CDH4: variants seen among roughly 807,000 people sequenced by gnomAD.
CDH4 encodes cadherin-4.
In CDH4, 33 loss-of-function variants were observed where a neutral mutation model predicts 86.0. That is an observed-to-expected ratio of 0.38 (90% CI 0.29 to 0.51). The LOEUF (loss-of-function observed/expected upper bound fraction) is 0.51, where lower values mean the gene tolerates loss of function less well. CDH4 is among the 20% of genes least tolerant of loss of function. The probability of loss-of-function intolerance (pLI) is 0.86; values close to 1 mark genes in which losing one functional copy is unlikely to be tolerated. For synonymous variants in CDH4, 555 were observed against 549.4 expected, an observed-to-expected ratio of 1.01 and a Z score of -0.14; for missense variants, 1,114 against 1,307.4, an observed-to-expected ratio of 0.85 and a Z score of 2.28.
Position 61,933,979 on chromosome 20 carries a change from C to T in CDH4, c.2380-77C>T, listed in dbSNP as rs535394678. 109 of 1,538,200 alleles carry T rather than the reference C, an allele frequency of 7.1e-5. No homozygotes were observed. In the East Asian group the frequency reaches 2.4e-3, roughly 34 times the overall value. On this transcript the variant is annotated intron_variant, in intron 14 of 15. Transcript: ENST00000614565. ...GCAGGTGCATCTGTGGCCCAGGTGACAGAAAAGGATGCAGGGTGGAAGGGG... is the reference window on the plus strand; with the variant it reads ...GCAGGTGCATCTGTGGCCCAGGTGATAGAAAAGGATGCAGGGTGGAAGGGG...
intron 2 of CDH4, among the ~76,000 whole-genome samples, chr20:61,608,542 A>G (rs1469850106): frequency 3.3e-5 from 5 of 152,278 alleles, no homozygotes; most frequent in African/African-American, 1.2e-4. Flanking sequence ...GGCGTTAAGG[A>G]CTGCACTTGT....
intron 3 of CDH4, among the ~76,000 whole-genome samples, chr20:61,752,048 T>C (rs1300728771): frequency 6.6e-6 from 1 of 152,174 alleles, no homozygotes; most frequent in Non-Finnish European, 1.5e-5. Context: ...AATAAGAACT[T>C]CTGCCAGGTG....
At chr20:61,631,355 G>A (rs1417919741) in intron 2 of CDH4, among the ~76,000 whole-genome samples, 5 of 152,210 alleles carry the variant, frequency 3.3e-5, no homozygotes, top group African/African-American at 1.2e-4. Context: ...TTAAAAGTGG[G>A]GCCATGGCTG....
chr20:61,675,141 G>C (rs1003830144), intron 2 of CDH4, among the ~76,000 whole-genome samples: 3 of 152,252 alleles, frequency 2.0e-5, no homozygotes, highest in African/African-American at 7.2e-5. Flanking sequence ...TTTTTTGGCA[G>C]AAATCCCTGC....
intron 2 of CDH4, among the ~76,000 whole-genome samples, chr20:61,333,879 G>T (rs2084600924): frequency 6.6e-6 from 1 of 152,268 alleles, no homozygotes; most frequent in Admixed American, 6.5e-5. Context: ...CCAGGGCCTG[G>T]CAATGGCTGC....
In CDH4 at chr20:61,668,419, C is replaced by T. The variant is rs535934312; in HGVS notation, c.170-75144C>T. Reference sequence around the variant, plus strand: ...CTCTGCACATGACCCTGAGAACACACGGTGAATCCAGATTTTAGAAGCCAA... The same window carrying T: ...CTCTGCACATGACCCTGAGAACACATGGTGAATCCAGATTTTAGAAGCCAA... On this transcript the variant is annotated intron_variant, in intron 2 of 15. Transcript: ENST00000614565. Among the ~76,000 whole-genome samples, 34 of 152,324 alleles carry T rather than the reference C, an allele frequency of 2.2e-4. 3 individuals carry two copies. In the South Asian group the frequency reaches 4.8e-3, roughly 21 times the overall value.
rs1490396234 is a variant in CDH4, at chr20:61,879,176, C to T, written c.1050+5276C>T. ...GCACCAGTTCAGCTCCCCCGGGACC[C>T]GGCCTTCACCCAGCAGAGCCACTGC... On this transcript the variant is annotated intron_variant, in intron 7 of 15. Coordinates refer to ENST00000614565, the MANE Select transcript of CDH4 (RefSeq NM_001794.5). The surrounding 1 kb of genome is among the most constrained non-coding windows in gnomAD (Gnocchi z 4.1). Among the ~76,000 whole-genome samples, 4 of 152,224 alleles carry T rather than the reference C, an allele frequency of 2.6e-5. No homozygotes were observed. Among genetic ancestry groups the T allele is most frequent in the Non-Finnish European group, 4.4e-5 (3 of 68,050 alleles).
intron 2 of CDH4, among the ~76,000 whole-genome samples, chr20:61,379,605 T>C (rs902137200): frequency 6.6e-6 from 1 of 152,142 alleles, no homozygotes; most frequent in Non-Finnish European, 1.5e-5. Flanking sequence ...TATTGTCCAG[T>C]ATAACCATCA....
intron 3 of CDH4, among the ~76,000 whole-genome samples, chr20:61,771,016 T>TTC (rs548476912): frequency 0.016 from 2,082 of 127,452 alleles, 57 homozygotes; most frequent in African/African-American, 0.053. Flanking sequence ...TTTTCTTTTT[T>TTC]TTTTTTTTTT....
At chr20:61,485,719 G>C (rs2085592709) in intron 2 of CDH4, among the ~76,000 whole-genome samples, 1 of 152,238 alleles carries the variant, frequency 6.6e-6, no homozygotes, top group Non-Finnish European at 1.5e-5. Context: ...AATCAGCCCT[G>C]GCCAGGTACC....
At chr20:61,726,274 A>G (rs1316608308) in intron 2 of CDH4, among the ~76,000 whole-genome samples, 1 of 152,162 alleles carries the variant, frequency 6.6e-6, no homozygotes, top group Non-Finnish European at 1.5e-5. Context: ...AGCACAGGCC[A>G]GGTGCCTCAT....
chr20:61,500,187 T>C (rs960104133), intron 2 of CDH4, among the ~76,000 whole-genome samples: 17 of 152,172 alleles, frequency 1.1e-4, no homozygotes, highest in African/African-American at 3.6e-4. Flanking sequence ...TTCATACTAC[T>C]GTTGTGTTTG....
intron 2 of CDH4, among the ~76,000 whole-genome samples, chr20:61,329,754 A>G (rs1418968260): frequency 6.6e-6 from 1 of 152,180 alleles, no homozygotes; most frequent in East Asian, 1.9e-4. Context: ...ATAGGCAAGC[A>G]TGTGCCGTGG....
intron 2 of CDH4, among the ~76,000 whole-genome samples, chr20:61,298,344 A>C (rs1472796588): frequency 1.3e-5 from 2 of 150,988 alleles, no homozygotes; most frequent in Non-Finnish European, 3.0e-5. Flanking sequence ...TCATTGATCC[A>C]CTCTCCTAGA....
At chr20:61,621,219 G>A (rs913627896) in intron 2 of CDH4, among the ~76,000 whole-genome samples, 4 of 152,152 alleles carry the variant, frequency 2.6e-5, no homozygotes, top group Non-Finnish European at 2.9e-5. Flanking sequence ...CCGCGGTTCC[G>A]GTCAGGGCCG....
chr20:61,451,650 A>C (rs1320541799), intron 2 of CDH4, among the ~76,000 whole-genome samples: 3 of 151,944 alleles, frequency 2.0e-5, no homozygotes, highest in African/African-American at 7.2e-5. Context: ...GGGGTCGCCA[A>C]GGAAAACTGT....
chr20:61,475,172 A>C (rs1194807334), intron 2 of CDH4, among the ~76,000 whole-genome samples: 1 of 152,066 alleles, frequency 6.6e-6, no homozygotes, highest in Non-Finnish European at 1.5e-5. Flanking sequence ...TTTTCCCCAT[A>C]ATTACTCTGA....
chr20:61,581,452 C>T lies in CDH4; in HGVS notation c.170-162111C>T, dbSNP rs556910265. On this transcript the variant is annotated intron_variant, in intron 2 of 15. Transcript: ENST00000614565. ...GCTTCTGGAGACGTGTTCCTGGGCTCCTGGCCCCTCCTCCATCTTCATGGC... is the reference window on the plus strand; with the variant it reads ...GCTTCTGGAGACGTGTTCCTGGGCTTCTGGCCCCTCCTCCATCTTCATGGC... Among the ~76,000 whole-genome samples the T allele has an allele frequency of 2.6e-5, 4 of 152,286 alleles. No individual in the cohort carries two copies. The East Asian group carries it at 5.8e-4, about 22-fold the overall frequency.
chr20:61,506,350 A>AAAC (rs1450264789), intron 2 of CDH4, among the ~76,000 whole-genome samples: 1 of 152,248 alleles, frequency 6.6e-6, no homozygotes, highest in African/African-American at 2.4e-5. Flanking sequence ...ATAAATGTTT[A>AAAC]AACAGTTTGG....
Sources: gnomAD v4.1 joint callset for allele counts (sites outside exome capture counted in the v4.1 genomes callset) on GRCh38, gnomAD v4.1.1 for gene constraint, Gnocchi (gnomAD v3.1) non-coding constraint, MANE v1.5 for transcripts, NCBI Gene and HGNC (gene_info 2026-07-23, HGNC 2026-07-21) for gene names.